Variants in ERBB4 observed in about 807,000 individuals in gnomAD.
The protein encoded by ERBB4 is receptor tyrosine-protein kinase erbB-4.
Under a neutral mutation model 158.0 loss-of-function variants are expected in ERBB4, and 42 were observed. The observed-to-expected ratio is 0.27, with a 90% CI of 0.21 to 0.34. The LOEUF (loss-of-function observed/expected upper bound fraction) is 0.34, where lower values mean the gene tolerates loss of function less well. Among genes scored for constraint, ERBB4 ranks in the 10% least tolerant of loss-of-function variants. The probability of loss-of-function intolerance (pLI) is 1.00; values close to 1 mark genes in which losing one functional copy is unlikely to be tolerated. For missense variants in ERBB4, 1,333 were observed against 1,624.1 expected (o/e 0.82, Z 3.08); for synonymous variants, 583 against 558.7 (o/e 1.04, Z -0.61).
chr2:211,778,108 A>T (rs73985873), intron 4 of ERBB4, among the ~76,000 whole-genome samples: 2 of 152,184 alleles, frequency 1.3e-5, no homozygotes, highest in African/African-American at 4.8e-5. Context: ...GGAAAAAGGC[A>T]GGAGAAGCCA....
intron 3 of ERBB4, among the ~76,000 whole-genome samples, chr2:211,834,278 G>C (rs2077288815): frequency 6.6e-6 from 1 of 152,082 alleles, no homozygotes. Context: ...AGGCAGTGCA[G>C]GAGAATTCTA....
intron 12 of ERBB4, among the ~76,000 whole-genome samples, chr2:211,697,678 C>T (rs939398621): frequency 2.6e-5 from 4 of 152,208 alleles, no homozygotes; most frequent in Non-Finnish European, 5.9e-5. Context: ...ATATAAAATA[C>T]TTCTTTTCTT....
At chr2:211,783,817 G>T (rs2076092366) in intron 4 of ERBB4, among the ~76,000 whole-genome samples, 1 of 152,124 alleles carries the variant, frequency 6.6e-6, no homozygotes, top group Non-Finnish European at 1.5e-5. Context: ...AGGGATATTG[G>T]TCTAAAATTC....
At chr2:211,729,300 C>T (rs985280572) in intron 5 of ERBB4, among the ~76,000 whole-genome samples, 1 of 151,658 alleles carries the variant, frequency 6.6e-6, no homozygotes, top group African/African-American at 2.4e-5. Flanking sequence ...TTATGGCTTT[C>T]ATTTTCCAAA....
At chr2:211,439,887 C>A (rs1204271423) in intron 20 of ERBB4, among the ~76,000 whole-genome samples, 2 of 152,134 alleles carry the variant, frequency 1.3e-5, no homozygotes, top group African/African-American at 4.8e-5. Context: ...AGGGGAAGAC[C>A]ATTTACAGAT....
chr2:212,456,613 C>A (rs1200355397), intron 1 of ERBB4, among the ~76,000 whole-genome samples: 5 of 150,066 alleles, frequency 3.3e-5, no homozygotes, highest in Non-Finnish European at 5.9e-5. Context: ...GGTTAGGAAA[C>A]AAATATTCTT....
chr2:212,337,662 G>A (rs116553282), intron 1 of ERBB4, among the ~76,000 whole-genome samples: 2 of 152,124 alleles, frequency 1.3e-5, no homozygotes, highest in Middle Eastern at 3.4e-3. Flanking sequence ...AATACCTCTC[G>A]CATATCTAAT....
intron 2 of ERBB4, among the ~76,000 whole-genome samples, chr2:211,979,294 G>T (rs1332480179): frequency 6.6e-6 from 1 of 152,084 alleles, no homozygotes; most frequent in Admixed American, 6.5e-5. Context: ...TAAAAAATTG[G>T]CAAGAAATTG....
chr2:211,892,965 C>G (rs62184539), intron 3 of ERBB4, among the ~76,000 whole-genome samples: 1 of 145,744 alleles, frequency 6.9e-6, no homozygotes, highest in Non-Finnish European at 1.5e-5. Context: ...GAATCAATAT[C>G]GTGAAAATGG....
chr2:212,415,315 C>T (rs554286519), intron 1 of ERBB4, among the ~76,000 whole-genome samples: 1 of 152,160 alleles, frequency 6.6e-6, no homozygotes, highest in Admixed American at 6.5e-5. Context: ...CTCCACCATC[C>T]TAAAGCCTTA....
At chr2:211,867,483 G>GT (rs2078238958) in intron 3 of ERBB4, among the ~76,000 whole-genome samples, 1 of 152,152 alleles carries the variant, frequency 6.6e-6, no homozygotes, top group Admixed American at 6.5e-5. Flanking sequence ...ATTTTAAAAT[G>GT]TAAGTTTACA....
chr2:212,525,644 C>T (rs183387636), intron 1 of ERBB4, among the ~76,000 whole-genome samples: 59 of 150,432 alleles, frequency 3.9e-4, no homozygotes, highest in African/African-American at 1.4e-3. Flanking sequence ...AAATGTTACA[C>T]ATCTGGTGAA....
At chr2:211,470,327 C>T (rs2064800842) in intron 20 of ERBB4, among the ~76,000 whole-genome samples, 1 of 152,078 alleles carries the variant, frequency 6.6e-6, no homozygotes, top group South Asian at 2.1e-4. Flanking sequence ...GGGAACTTGG[C>T]TGTGCCCAGA....
chr2:212,385,338 G>A (rs1384908165), intron 1 of ERBB4, among the ~76,000 whole-genome samples: 2 of 151,852 alleles, frequency 1.3e-5, no homozygotes, highest in South Asian at 2.1e-4. Context: ...TTTAACAAAG[G>A]ATTCCCAGGA....
chr2:212,530,384 T>C (rs1692687366), intron 1 of ERBB4, among the ~76,000 whole-genome samples: 1 of 152,198 alleles, frequency 6.6e-6, no homozygotes, highest in South Asian at 2.1e-4. Flanking sequence ...TTTTATTTGG[T>C]TTTCATAGGT....
At chr2:212,285,594 G>A (rs1223955813) in intron 1 of ERBB4, among the ~76,000 whole-genome samples, 11 of 152,108 alleles carry the variant, frequency 7.2e-5, no homozygotes, top group African/African-American at 2.4e-4. Context: ...TGCTAGTTAC[G>A]AAGTCAACCT....
At chr2:212,009,280 C>A (rs1320765238) in intron 2 of ERBB4, among the ~76,000 whole-genome samples, 1 of 151,640 alleles carries the variant, frequency 6.6e-6, no homozygotes, top group African/African-American at 2.4e-5. Flanking sequence ...TTCAGGCAGG[C>A]CCTAAATCCA....
At chr2:212,206,997 C>CA (rs530343240) in intron 1 of ERBB4, among the ~76,000 whole-genome samples, 6,210 of 117,374 alleles carry the variant, frequency 0.053, 312 homozygotes, top group African/African-American at 0.15. Context: ...TGAGAAGTTT[C>CA]AAAAAAAAAA....
intron 1 of ERBB4, among the ~76,000 whole-genome samples, chr2:212,331,763 T>C (rs1560039455): frequency 6.6e-6 from 1 of 152,062 alleles, no homozygotes; most frequent in Non-Finnish European, 1.5e-5. Context: ...TATAAACTCT[T>C]TGAGGGCAAA....
Sources: allele counts gnomAD v4.1 joint callset (sites outside exome capture counted in the v4.1 genomes callset), GRCh38; gene constraint gnomAD v4.1.1; transcripts MANE v1.5; gene names NCBI Gene and HGNC (gene_info 2026-07-23, HGNC 2026-07-21).